The following RPS6KA2 variants were observed in gnomAD, a reference collection of about 807,000 sequenced individuals.
RPS6KA2 encodes ribosomal protein S6 kinase alpha-2.
Under a neutral mutation model 91.8 loss-of-function variants are expected in RPS6KA2, and 42 were observed. The observed-to-expected ratio is 0.46, with a 90% CI of 0.36 to 0.59. The LOEUF (loss-of-function observed/expected upper bound fraction) is 0.59, where lower values mean the gene tolerates loss of function less well. RPS6KA2 is among the 20% of genes least tolerant of loss of function. The pLI, the probability that RPS6KA2 is intolerant of heterozygous loss-of-function variation, is 0.00. For missense variants in RPS6KA2, 798 were observed against 978.5 expected, an observed-to-expected ratio of 0.82 and a Z score of 2.46; for synonymous variants, 414 against 393.6, an observed-to-expected ratio of 1.05 and a Z score of -0.61.
chr6:166,550,716 AT>A (rs1476878894), intron 1 of RPS6KA2, among the ~76,000 whole-genome samples: 1 of 152,174 alleles, frequency 6.6e-6, no homozygotes, highest in African/African-American at 2.4e-5. Flanking sequence ...TTAAAGTGAA[AT>A]TAGGGTTGGG....
rs201008426 is a variant in RPS6KA2 at position 166,490,716 on chromosome 6, G to A, written c.773C>T (p.Pro258Leu). 49 of 1,612,762 alleles carry A rather than the reference G, an allele frequency of 3.0e-5. No homozygotes were observed. The highest frequency in any genetic ancestry group is 4.2e-5 in the Non-Finnish European group (49 of 1,179,420). ...CTCCTTCCTGTCCTTCCCCTGGAAC[G>A]GCAGGGACCCCGTGAGCATCTCAAA... ...LMFEMLTGSL[P>L]FQGKDRKETM... Residue 258 changes from proline to leucine, a missense_variant, in exon 9 of 21, where the codon CCG (proline) becomes CTG (leucine). Physicochemically the swap from Pro to Leu is moderately conservative, Grantham distance 98 (BLOSUM62 -3). Coordinates refer to ENST00000265678, the MANE Select transcript of RPS6KA2 (RefSeq NM_021135.6). The surrounding 1 kb of genome is among the most constrained non-coding windows in gnomAD (Gnocchi z 4.2).
intron 10 of RPS6KA2, among the ~76,000 whole-genome samples, chr6:166,470,435 G>A (rs1257563353): frequency 6.6e-6 from 1 of 152,220 alleles, no homozygotes; most frequent in African/African-American, 2.4e-5. Flanking sequence ...CCCTGAGCCT[G>A]CTCAGACAGG....
Position 166,494,678 on chromosome 6 carries a change from C to T in RPS6KA2, c.747+3830G>A, listed in dbSNP as rs539971261. Among the ~76,000 whole-genome samples the T allele has an allele frequency of 3.0e-4, 46 of 152,300 alleles. No homozygotes were observed. The highest frequency in any genetic ancestry group is 6.8e-3 in the Middle Eastern group (2 of 294). On this transcript the variant is annotated intron_variant, in intron 8 of 20. Transcript: ENST00000265678. This position sits in a 1 kb window ranked among gnomAD's most constrained non-coding sequence, Gnocchi z 5.1. ...AGGTACCAGCTCCTAATTTCAGACA[C>T]GGAATTTTATTCAGGGACACTGACT...
chr6:166,778,638 C>T (rs952253609), intron 2 of RPS6KA2, among the ~76,000 whole-genome samples: 1 of 152,128 alleles, frequency 6.6e-6, no homozygotes, highest in Non-Finnish European at 1.5e-5. Flanking sequence ...TGGTGGCACG[C>T]GCCTATAGTC....
At chr6:166,645,944 A>G (rs1401414301) in intron 2 of RPS6KA2, among the ~76,000 whole-genome samples, 2 of 152,216 alleles carry the variant, frequency 1.3e-5, no homozygotes, top group Non-Finnish European at 2.9e-5. Context: ...CGTGCCCCTC[A>G]AAGCTGCCAA....
At chr6:166,706,696 G>A (rs990782050) in intron 2 of RPS6KA2, among the ~76,000 whole-genome samples, 12 of 152,168 alleles carry the variant, frequency 7.9e-5, no homozygotes, top group African/African-American at 2.2e-4. Context: ...CAGGCTTTAC[G>A]CACAGTACCC....
intron 2 of RPS6KA2, among the ~76,000 whole-genome samples, chr6:166,713,965 T>C (rs1789941310): frequency 6.6e-6 from 1 of 152,232 alleles, no homozygotes; most frequent in Non-Finnish European, 1.5e-5. Context: ...GTCCCAGTGC[T>C]TCATACCTCA....
intron 2 of RPS6KA2, among the ~76,000 whole-genome samples, chr6:166,664,613 C>G (rs1052868418): frequency 6.6e-6 from 1 of 152,154 alleles, no homozygotes; most frequent in Non-Finnish European, 1.5e-5. Context: ...GATTGCAAAG[C>G]TCAACTTAAA....
chr6:166,814,959 C>A (rs1261642456), intron 2 of RPS6KA2, among the ~76,000 whole-genome samples: 1 of 152,132 alleles, frequency 6.6e-6, no homozygotes, highest in African/African-American at 2.4e-5. Flanking sequence ...TGAAACCACC[C>A]CTCTTCCACC....
chr6:166,665,248 G>C lies in RPS6KA2; in HGVS notation c.124-126464C>G, dbSNP rs1788282017. On this transcript the variant is annotated intron_variant, in intron 2 of 21. Transcript: ENST00000503859. The surrounding 1 kb of genome is among the most constrained non-coding windows in gnomAD (Gnocchi z 4.5). ...GAAAGATTGTGAGATTTCATCCTCA[G>C]GTACACACACCATGGTGTGACTTAC... Among the ~76,000 whole-genome samples, 1 of 152,124 alleles carries C rather than the reference G, an allele frequency of 6.6e-6. No individual in the cohort carries two copies. Among genetic ancestry groups the C allele is most frequent in the Admixed American group, 6.5e-5 (1 of 15,278 alleles).
intron 20 of RPS6KA2, 53 bp downstream of exon 20, chr6:166,413,741 T>C: frequency 6.3e-7 from 1 of 1,595,634 alleles, no homozygotes; most frequent in Non-Finnish European, 8.6e-7. Context: ...TATCAGGCTC[T>C]TTTCTGGGTT....
At chr6:166,668,152 G>C (rs1053496352) in intron 2 of RPS6KA2, among the ~76,000 whole-genome samples, 1 of 152,176 alleles carries the variant, frequency 6.6e-6, no homozygotes, top group Non-Finnish European at 1.5e-5. Flanking sequence ...CAATGCCACC[G>C]AGCAGTGCAA....
At chr6:166,802,181 A>G (rs191338152) in intron 2 of RPS6KA2, among the ~76,000 whole-genome samples, 1,595 of 152,060 alleles carry the variant, frequency 0.01, 25 homozygotes, top group African/African-American at 0.037. Flanking sequence ...GAGGCAGGAG[A>G]ATGGCATGAA....
chr6:166,515,515 C>T (rs569748229), intron 3 of RPS6KA2, among the ~76,000 whole-genome samples: 7 of 152,280 alleles, frequency 4.6e-5, no homozygotes, highest in Admixed American at 1.3e-4. Context: ...ACCATGACTG[C>T]AGTTATGCAC....
rs766408887 is a variant in RPS6KA2, at chr6:166,847,018, A to G, written c.123+11182T>C. ...GCTGACAATACCTAAAAAAACCTAA[A>G]GACTCATCCAAAAAGCTCCTTTAAC... On this transcript the variant is annotated intron_variant, in intron 2 of 21. Coordinates refer to the RPS6KA2 transcript ENST00000503859. Among the ~76,000 whole-genome samples, 22 of 152,174 alleles carry G rather than the reference A, an allele frequency of 1.4e-4. 1 individual carries two copies. The highest frequency in any genetic ancestry group is 2.5e-4 in the Non-Finnish European group (17 of 68,012).
chr6:166,534,520 T>C (rs1360304467), intron 2 of RPS6KA2, among the ~76,000 whole-genome samples: 1 of 152,222 alleles, frequency 6.6e-6, no homozygotes, highest in Non-Finnish European at 1.5e-5. Context: ...TACGACCGTA[T>C]AAACTCAAAG....
intron 2 of RPS6KA2, among the ~76,000 whole-genome samples, chr6:166,789,179 C>T (rs12205030): frequency 0.39 from 58,840 of 152,020 alleles, 13,136 homozygotes; most frequent in African/African-American, 0.61. Flanking sequence ...ACTTTTCCCA[C>T]GGCCTTAAAA....
At chr6:166,800,309 G>T (rs1307881154) in intron 2 of RPS6KA2, among the ~76,000 whole-genome samples, 1 of 152,184 alleles carries the variant, frequency 6.6e-6, no homozygotes, top group Non-Finnish European at 1.5e-5. Flanking sequence ...GGGAGGACAT[G>T]GGGGAGCAGC....
chr6:166,600,213 G>A (rs1385325686), intron 1 of RPS6KA2, among the ~76,000 whole-genome samples: 2 of 152,170 alleles, frequency 1.3e-5, no homozygotes, highest in Non-Finnish European at 2.9e-5. Flanking sequence ...GTCTCACTAT[G>A]TTTCCCAGAC....
Sources: allele counts gnomAD v4.1 joint callset (sites outside exome capture counted in the v4.1 genomes callset), GRCh38; gene constraint gnomAD v4.1.1; non-coding constraint Gnocchi (gnomAD v3.1); transcripts MANE v1.5; gene names NCBI Gene and HGNC (gene_info 2026-07-23, HGNC 2026-07-21).